Variants in TMOD1 observed in about 807,000 individuals in gnomAD.
TMOD1 encodes tropomodulin-1.
A neutral mutation model predicts 40.6 loss-of-function variants in TMOD1; 17 were observed. The observed-to-expected ratio is 0.42, with a 90% CI of 0.29 to 0.63. The LOEUF is 0.63. Among genes scored for constraint, TMOD1 ranks in the 20% least tolerant of loss-of-function variants. TMOD1 has a pLI of 0.22. For missense variants in TMOD1, 391 were observed against 447.6 expected (o/e 0.87, Z 1.14); for synonymous variants, 181 against 175.0 (o/e 1.03, Z -0.27).
intron 8 of TMOD1, among the ~76,000 whole-genome samples, chr9:97,589,876 T>C (rs899632466): frequency 5.3e-5 from 8 of 152,026 alleles, no homozygotes; most frequent in Admixed American, 1.3e-4. Context: ...GTTTTATTAT[T>C]TTATTATATA....
rs374099979 is a variant in TMOD1 at position 97,568,888 on chromosome 9, T to C, written c.727-6T>C. The C allele has an allele frequency of 6.2e-7, 1 of 1,613,724 alleles. No homozygotes were observed. The highest frequency in any genetic ancestry group is 8.5e-7 in the Non-Finnish European group (1 of 1,179,688). ...TGGGTATCCTTGCTTTCTCTTGTGCTTCAAGGCCCTTGCTGAGATGCTCAA... is the reference window on the plus strand; with the variant it reads ...TGGGTATCCTTGCTTTCTCTTGTGCCTCAAGGCCCTTGCTGAGATGCTCAA... On this transcript the variant is annotated splice_region_variant and splice_polypyrimidine_tract_variant and intron_variant, in intron 7 of 9. Transcript: ENST00000259365.
chr9:97,600,574 G>A lies in TMOD1; in HGVS notation c.*876G>A, dbSNP rs892067097. 8.1e-6 allele frequency: 8 copies of A among 986,278 alleles called. No homozygotes were observed. The African/African-American group carries it at 1.2e-4, about 15-fold the overall frequency. 61.1% of individuals were successfully genotyped at this position (986,278 alleles called of 1,614,324 possible). ...CTTATGTGAGGTAAGACACTAGAGG[G>A]ATAAATTTCCAGATCAACATGGCTA... On this transcript the variant is annotated 3_prime_UTR_variant, in exon 10 of 10. Transcript: ENST00000259365.
chr9:97,552,018 T>C (rs1243229968), intron 3 of TMOD1, among the ~76,000 whole-genome samples: 5 of 152,240 alleles, frequency 3.3e-5, no homozygotes, highest in Admixed American at 1.3e-4. Flanking sequence ...CTAATTTTTG[T>C]ATGTTGATCT....
chr9:97,506,009 G>A (rs1181514032), intron 1 of TMOD1, among the ~76,000 whole-genome samples: 1 of 152,144 alleles, frequency 6.6e-6, no homozygotes, highest in Non-Finnish European at 1.5e-5. Flanking sequence ...CGGGCCTCAA[G>A]CTACTTCTCC....
intron 7 of TMOD1, among the ~76,000 whole-genome samples, chr9:97,566,271 G>A (rs763845542): frequency 6.6e-6 from 1 of 152,158 alleles, no homozygotes; most frequent in Non-Finnish European, 1.5e-5. Flanking sequence ...GTGAGAGGTG[G>A]ACCTGCAAGT....
At chr9:97,560,734 C>T (rs1830626880) in intron 4 of TMOD1, among the ~76,000 whole-genome samples, 1 of 150,704 alleles carries the variant, frequency 6.6e-6, no homozygotes, top group Non-Finnish European at 1.5e-5. Context: ...TACAGGATGA[C>T]ACTCCTGTAA....
intron 9 of TMOD1, among the ~76,000 whole-genome samples, chr9:97,598,478 G>C (rs1047424880): frequency 1.3e-5 from 2 of 152,204 alleles, no homozygotes; most frequent in African/African-American, 4.8e-5. Flanking sequence ...GCTCCGATGA[G>C]GCAATGAGGA....
intron 3 of TMOD1, among the ~76,000 whole-genome samples, chr9:97,551,874 A>T (rs1243886160): frequency 6.6e-6 from 1 of 152,150 alleles, no homozygotes; most frequent in Non-Finnish European, 1.5e-5. Context: ...AATGTTTTAT[A>T]ATTTTCATTG....
intron 2 of TMOD1, 23 bp downstream of exon 2, chr9:97,524,331 C>A: frequency 6.2e-7 from 1 of 1,610,204 alleles, no homozygotes; most frequent in Non-Finnish European, 8.5e-7. Flanking sequence ...TAAAGGGAAG[C>A]ACATTGTCAC....
intron 7 of TMOD1, 78 bp downstream of exon 7, chr9:97,566,033 G>T (rs78278378): frequency 1.6e-6 from 2 of 1,262,472 alleles, no homozygotes; most frequent in East Asian, 2.4e-5. Flanking sequence ...CCTCAGGACT[G>T]GTTGTATCCC....
intron 8 of TMOD1, among the ~76,000 whole-genome samples, chr9:97,569,534 A>G (rs1168512931): frequency 1.3e-5 from 2 of 152,138 alleles, no homozygotes; most frequent in African/African-American, 4.8e-5. Context: ...AGGCAATTCT[A>G]GTTTGTCTTT....
intron 2 of TMOD1, among the ~76,000 whole-genome samples, chr9:97,533,880 G>A (rs1830139861): frequency 6.6e-6 from 1 of 152,204 alleles, no homozygotes; most frequent in Non-Finnish European, 1.5e-5. Context: ...AAGTCCACAG[G>A]TAGGCAATCT....
chr9:97,560,143 A>T (rs76750228), intron 4 of TMOD1, among the ~76,000 whole-genome samples: 679 of 34,114 alleles, frequency 0.02, 2 homozygotes, highest in African/African-American at 0.066. Context: ...GATATTTTTT[A>T]AAAAATCACC....
At chr9:97,597,128 G>A (rs1313742379) in intron 9 of TMOD1, among the ~76,000 whole-genome samples, 5 of 152,208 alleles carry the variant, frequency 3.3e-5, no homozygotes, top group East Asian at 1.9e-4. Flanking sequence ...AGGTTGGTCC[G>A]GACGACTGGA....
chr9:97,553,408 G>A lies in TMOD1; in HGVS notation c.397+8G>A. On this transcript the variant is annotated splice_region_variant and intron_variant, in intron 4 of 9. Transcript: ENST00000259365. ...AACTCTGTGACATTGCAGGTAAGAGGCGTTCCAGGAGCTTTCCACATCCTC... is the reference window on the plus strand; with the variant it reads ...AACTCTGTGACATTGCAGGTAAGAGACGTTCCAGGAGCTTTCCACATCCTC... 1 of 1,614,188 alleles carries A rather than the reference G, an allele frequency of 6.2e-7. No individual in the cohort carries two copies. Among genetic ancestry groups the A allele is most frequent in the South Asian group, 1.1e-5 (1 of 91,084 alleles).
chr9:97,565,753 G>T, intron 6 of TMOD1, 95 bp from the exon 7 acceptor site: 1 of 991,212 alleles, frequency 1.0e-6, no homozygotes. Context: ...CCAGAGACTT[G>T]CCAGGAATCA....
At chr9:97,531,038 C>A (rs1054504570) in intron 2 of TMOD1, among the ~76,000 whole-genome samples, 2 of 117,962 alleles carry the variant, frequency 1.7e-5, no homozygotes, top group African/African-American at 8.2e-5. Context: ...TCCACACCCA[C>A]CCCCCCCACC....
intron 3 of TMOD1, 26 bp from the exon 4 acceptor site, chr9:97,553,255 G>GT: frequency 6.2e-7 from 1 of 1,613,280 alleles, no homozygotes; most frequent in Non-Finnish European, 8.5e-7. Flanking sequence ...AGCCACTCCC[G>GT]TAACAGGTCC....
intron 4 of TMOD1, among the ~76,000 whole-genome samples, chr9:97,559,835 C>A (rs367620650): frequency 0.22 from 10,177 of 46,410 alleles, 1,012 homozygotes; most frequent in Middle Eastern, 0.37. Context: ...GTCTATCTAT[C>A]TATCTATCTA....
Sources: gnomAD v4.1 joint callset for allele counts (sites outside exome capture counted in the v4.1 genomes callset) on GRCh38, gnomAD v4.1.1 for gene constraint, MANE v1.5 for transcripts, NCBI Gene and HGNC (gene_info 2026-07-23, HGNC 2026-07-21) for gene names.